CREB5: variants seen among roughly 807,000 people sequenced by gnomAD.
The protein encoded by CREB5 is cyclic AMP-responsive element-binding protein 5.
In CREB5, 19 loss-of-function variants were observed where a neutral mutation model predicts 57.1. The observed-to-expected ratio is 0.33, with a 90% CI of 0.23 to 0.49. CREB5 has a LOEUF of 0.49. CREB5 is among the 20% of genes least tolerant of loss of function. The pLI, the probability that CREB5 is intolerant of heterozygous loss-of-function variation, is 0.99. For synonymous variants in CREB5, 238 were observed against 238.3 expected (o/e 1.00, Z 0.01); for missense variants, 579 against 671.6 (o/e 0.86, Z 1.52).
chr7:28,520,224 T>A (rs1382604412), intron 4 of CREB5, among the ~76,000 whole-genome samples: 2 of 152,226 alleles, frequency 1.3e-5, no homozygotes. Flanking sequence ...CAGGTCAGTT[T>A]TTAAACATCA....
At chr7:28,494,270 G>A (rs1349430724) in intron 2 of CREB5, among the ~76,000 whole-genome samples, 1 of 152,164 alleles carries the variant, frequency 6.6e-6, no homozygotes, top group African/African-American at 2.4e-5. Flanking sequence ...AACTCGTCAT[G>A]CTGCCATTAT....
chr7:28,385,265 A>T (rs1389573737), intron 1 of CREB5, among the ~76,000 whole-genome samples: 3 of 152,208 alleles, frequency 2.0e-5, no homozygotes, highest in Non-Finnish European at 4.4e-5. Context: ...TCATATTTTT[A>T]CAAAAAAAAG....
chr7:28,488,311 C>G (rs548623480), intron 2 of CREB5, 65 bp downstream of exon 2: 1 of 1,475,448 alleles, frequency 6.8e-7, no homozygotes, highest in African/African-American at 1.4e-5. Flanking sequence ...AAGCAACTCT[C>G]ACCCGGCAAT....
At chr7:28,531,816 G>A (rs1333031341) in intron 4 of CREB5, among the ~76,000 whole-genome samples, 1 of 151,988 alleles carries the variant, frequency 6.6e-6, no homozygotes, top group African/African-American at 2.4e-5. Context: ...AGATCACGAG[G>A]TCAGGAGATC....
chr7:28,662,811 T>C (rs879780953), intron 5 of CREB5, among the ~76,000 whole-genome samples: 4 of 150,302 alleles, frequency 2.7e-5, no homozygotes, highest in Admixed American at 6.6e-5. Context: ...TTAGTACTCA[T>C]TGATTGATGC....
At chr7:28,598,746 G>C (rs1263076848) in intron 5 of CREB5, among the ~76,000 whole-genome samples, 3 of 152,084 alleles carry the variant, frequency 2.0e-5, no homozygotes, top group Non-Finnish European at 4.4e-5. Flanking sequence ...ATTCTGTGAG[G>C]TGACCTGATG....
rs117319410 is a variant in CREB5, at chr7:28,526,300, A to G, written c.291+18563A>G. Among the ~76,000 whole-genome samples, 36 of 152,346 alleles carry G rather than the reference A, an allele frequency of 2.4e-4. No homozygotes were observed. In the East Asian group the frequency reaches 6.7e-3, roughly 29 times the overall value. ...ACAACCTAGGCAATGCAGTATGCCCAGTATTTATTTTTAGGAAGGTTTGGC... is the reference window on the plus strand; with the variant it reads ...ACAACCTAGGCAATGCAGTATGCCCGGTATTTATTTTTAGGAAGGTTTGGC... On this transcript the variant is annotated intron_variant, in intron 4 of 10. Transcript: ENST00000357727.
At chr7:28,411,843 G>A (rs1016180428), upstream of CREB5, among the ~76,000 whole-genome samples, 3 of 152,156 alleles carry the variant, frequency 2.0e-5, no homozygotes, top group Non-Finnish European at 4.4e-5. Context: ...CCCCAAGTCT[G>A]TGGCAGGATT....
At chr7:28,607,227 T>C (rs915573822) in intron 5 of CREB5, among the ~76,000 whole-genome samples, 1 of 152,206 alleles carries the variant, frequency 6.6e-6, no homozygotes, top group African/African-American at 2.4e-5. Flanking sequence ...TGTAGCTGAT[T>C]GGCAACCTTT....
chr7:28,755,886 T>C (rs1805269594), intron 7 of CREB5, among the ~76,000 whole-genome samples: 1 of 152,094 alleles, frequency 6.6e-6, no homozygotes, highest in South Asian at 2.1e-4. Flanking sequence ...GTTTCAGAGA[T>C]CTTCAAGTGC....
intron 7 of CREB5, among the ~76,000 whole-genome samples, chr7:28,731,664 A>G (rs2128751807): frequency 6.6e-6 from 1 of 152,320 alleles, no homozygotes; most frequent in East Asian, 1.9e-4. Context: ...ATCAAGTTTG[A>G]TGGGGAAAGT....
At chr7:28,300,065 T>C (rs554015448) in intron 1 of CREB5, among the ~76,000 whole-genome samples, 8,904 of 119,310 alleles carry the variant, frequency 0.075, 337 homozygotes, top group Non-Finnish European at 0.1. Context: ...TTTATTTATT[T>C]ATTTATTTAT....
rs550306475 is a variant in CREB5 at position 28,586,012 on chromosome 7, A to G, written c.464+15475A>G. On this transcript the variant is annotated intron_variant, in intron 5 of 10. Transcript: ENST00000357727. Reference sequence around the variant, plus strand: ...AATTCTCCTATCTTTAGAACTTTGCATCTTTTTTTGGATGGAGTGATCCTG... The same window carrying G: ...AATTCTCCTATCTTTAGAACTTTGCGTCTTTTTTTGGATGGAGTGATCCTG... Among the ~76,000 whole-genome samples, 206 of 152,286 alleles carry G rather than the reference A, an allele frequency of 1.4e-3. 1 individual carries two copies. Among genetic ancestry groups the G allele is most frequent in the African/African-American group, 4.7e-3 (194 of 41,574 alleles).
intron 4 of CREB5, among the ~76,000 whole-genome samples, chr7:28,520,184 C>A (rs1345702905): frequency 6.6e-6 from 1 of 152,328 alleles, no homozygotes; most frequent in Non-Finnish European, 1.5e-5. Flanking sequence ...TTCAATAGAG[C>A]CGTGTTCCTT....
chr7:28,737,539 G>GTATA (rs59294932), intron 7 of CREB5, among the ~76,000 whole-genome samples: 72 of 26,628 alleles, frequency 2.7e-3, no homozygotes, highest in Admixed American at 3.1e-3. Flanking sequence ...ATATATATAC[G>GTATA]TATATATATA....
chr7:28,714,280 T>C (rs1414849985), intron 5 of CREB5, among the ~76,000 whole-genome samples: 2 of 152,210 alleles, frequency 1.3e-5, no homozygotes, highest in South Asian at 2.1e-4. Flanking sequence ...CTGCTTTTGA[T>C]GCTAATTAAA....
At chr7:28,476,118 A>G (rs1013534820) in intron 1 of CREB5, among the ~76,000 whole-genome samples, 3 of 152,224 alleles carry the variant, frequency 2.0e-5, no homozygotes, top group Non-Finnish European at 4.4e-5. Context: ...TATGTGGCAG[A>G]GCCAAGTTGG....
chr7:28,477,263 T>C (rs772384202), intron 1 of CREB5, among the ~76,000 whole-genome samples: 9 of 152,370 alleles, frequency 5.9e-5, no homozygotes, highest in Middle Eastern at 3.4e-3. Flanking sequence ...ATTTGGGGGC[T>C]GGCCTTTTCC....
In CREB5 at chr7:28,798,296, G is replaced by T. The variant is rs183559091; in HGVS notation, c.703-5903G>T. On this transcript the variant is annotated intron_variant, in intron 7 of 10. Transcript: ENST00000357727. ...TCAGCCTTGTTGAAGATGGAGAAGC[G>T]ATGTTTTCACAGTTCCACAAATGTT... is the stretch of plus-strand genomic sequence containing the variant. Among the ~76,000 whole-genome samples the T allele has an allele frequency of 1.2e-3, 177 of 143,948 alleles. 1 individual carries two copies. Among genetic ancestry groups the T allele is most frequent in the Non-Finnish European group, 1.8e-4 (12 of 66,002 alleles). The allele number at this position is 143,948 out of a possible 152,430, so 94.4% of individuals were successfully genotyped here.
Sources: gnomAD v4.1 joint callset for allele counts (sites outside exome capture counted in the v4.1 genomes callset) on GRCh38, gnomAD v4.1.1 for gene constraint, MANE v1.5 for transcripts, NCBI Gene and HGNC (gene_info 2026-07-23, HGNC 2026-07-21) for gene names.